The following SLIT2 variants were observed in gnomAD, a reference collection of about 807,000 sequenced individuals.
The protein encoded by SLIT2 is slit homolog 2 protein.
Under a neutral mutation model 185.7 loss-of-function variants are expected in SLIT2, and 41 were observed. That is an observed-to-expected ratio of 0.22 (90% CI 0.17 to 0.29). SLIT2 has a LOEUF of 0.29. SLIT2 is among the 10% of genes least tolerant of loss of function. SLIT2 has a pLI of 1.00. For synonymous variants in SLIT2, 693 were observed against 680.2 expected (o/e 1.02, Z -0.29); for missense variants, 1,571 against 1,909.0 (o/e 0.82, Z 3.30).
intron 34 of SLIT2, among the ~76,000 whole-genome samples, chr4:20,612,309 G>A (rs1257699384): frequency 6.8e-5 from 9 of 131,642 alleles, no homozygotes; most frequent in South Asian, 2.4e-4. Flanking sequence ...CCCGCCCCCC[G>A]CCAAAAAAAA....
At chr4:20,288,168 G>T (rs576786791) in intron 4 of SLIT2, among the ~76,000 whole-genome samples, 1 of 152,264 alleles carries the variant, frequency 6.6e-6, no homozygotes, top group African/African-American at 2.4e-5. Context: ...TAATTTATCT[G>T]GGAATTTAAA....
chr4:20,438,532 T>C (rs1356803600), intron 4 of SLIT2, among the ~76,000 whole-genome samples: 2 of 152,120 alleles, frequency 1.3e-5, no homozygotes, highest in Non-Finnish European at 2.9e-5. Flanking sequence ...TTCCCTCCCA[T>C]AACACATGGG....
At chr4:20,617,289 G>A (rs1388379163) in intron 35 of SLIT2, 91 bp downstream of exon 35, 1 of 1,234,618 alleles carries the variant, frequency 8.1e-7, no homozygotes. Context: ...GGAGGGGACG[G>A]GAAGGGAGGG....
rs1711601122 is a variant in SLIT2, at chr4:20,254,831, G to T, written c.179+837G>T. 7.0e-6 allele frequency: 3 copies of T among 430,528 alleles called. No individual in the cohort carries two copies. In the Admixed American group the frequency reaches 7.3e-5, roughly 11 times the overall value. The allele number at this position is 430,528 out of a possible 1,614,324, so 26.7% of individuals were successfully genotyped here. A position where few individuals can be genotyped will look rare whatever the true frequency, so the allele number is the denominator to read the frequency against. On this transcript the variant is annotated intron_variant, in intron 1 of 36. Transcript: ENST00000504154. This position sits in a 1 kb window ranked among gnomAD's most constrained non-coding sequence, Gnocchi z 5.1. ...CCCTGCGTCCCCATCCACCTTTCTG[G>T]CAGTTTCTGCGCCCCTTCACGTGGC...
intron 4 of SLIT2, among the ~76,000 whole-genome samples, chr4:20,323,824 C>A (rs1719310047): frequency 6.6e-6 from 1 of 152,108 alleles, no homozygotes; most frequent in African/African-American, 2.4e-5. Context: ...TCTGATTTTT[C>A]CTCTTTAATT....
chr4:20,413,537 G>A (rs1727415665), intron 4 of SLIT2, among the ~76,000 whole-genome samples: 1 of 151,878 alleles, frequency 6.6e-6, no homozygotes, highest in Admixed American at 6.6e-5. Flanking sequence ...TTGAAAGTTG[G>A]CTTTGAAGTC....
At chr4:20,311,398 T>A (rs747576333) in intron 4 of SLIT2, among the ~76,000 whole-genome samples, 80 of 152,248 alleles carry the variant, frequency 5.3e-4, no homozygotes, top group Non-Finnish European at 1.1e-3. Context: ...TGAATTTCTT[T>A]ACATTTTTGT....
At chr4:20,604,514 T>G (rs1728639782) in intron 33 of SLIT2, among the ~76,000 whole-genome samples, 1 of 151,728 alleles carries the variant, frequency 6.6e-6, no homozygotes, top group Non-Finnish European at 1.5e-5. Context: ...TACGCCTAGC[T>G]TTTTTTGTAT....
At chr4:20,455,634 A>G (rs1185060318) in intron 4 of SLIT2, among the ~76,000 whole-genome samples, 1 of 152,170 alleles carries the variant, frequency 6.6e-6, no homozygotes, top group Non-Finnish European at 1.5e-5. Context: ...GATACATGCT[A>G]CAACCTGGGG....
At chr4:20,426,326 A>G (rs1188100496) in intron 4 of SLIT2, among the ~76,000 whole-genome samples, 2 of 152,224 alleles carry the variant, frequency 1.3e-5, no homozygotes, top group Non-Finnish European at 1.5e-5. Flanking sequence ...AATGATGTAT[A>G]CAAAAACAAA....
At chr4:20,557,876 T>G (rs2148900837) in intron 26 of SLIT2, among the ~76,000 whole-genome samples, 1 of 152,164 alleles carries the variant, frequency 6.6e-6, no homozygotes, top group African/African-American at 2.4e-5. Context: ...GATTCCAATC[T>G]GCATAGATGA....
At chr4:20,602,327 G>T (rs892129251) in intron 33 of SLIT2, among the ~76,000 whole-genome samples, 1 of 152,170 alleles carries the variant, frequency 6.6e-6, no homozygotes, top group Admixed American at 6.5e-5. Context: ...TATGTTAAAA[G>T]TTAAAAGACA....
chr4:20,321,926 T>C (rs1429817319), intron 4 of SLIT2, among the ~76,000 whole-genome samples: 1 of 152,166 alleles, frequency 6.6e-6, no homozygotes, highest in African/African-American at 2.4e-5. Flanking sequence ...CATCTGGGAA[T>C]TGTTAGAAAT....
chr4:20,274,425 C>T (rs2058950018), intron 4 of SLIT2, among the ~76,000 whole-genome samples: 1 of 152,176 alleles, frequency 6.6e-6, no homozygotes, highest in Non-Finnish European at 1.5e-5. Flanking sequence ...GCCATTACCA[C>T]TTGTCATGAA....
intron 4 of SLIT2, among the ~76,000 whole-genome samples, chr4:20,371,764 C>T (rs1438926075): frequency 6.6e-6 from 1 of 152,018 alleles, no homozygotes; most frequent in African/African-American, 2.4e-5. Context: ...ATTTTGCCTA[C>T]TGCATGAATA....
intron 29 of SLIT2, 128 bp downstream of exon 29, chr4:20,569,132 TGTA>T (rs1725348433): frequency 2.5e-6 from 2 of 797,922 alleles, no homozygotes; most frequent in African/African-American, 3.4e-5. Flanking sequence ...GAAAATCAGA[TGTA>T]ATGTAAATAA....
chr4:20,298,110 C>G (rs1318208576), intron 4 of SLIT2, among the ~76,000 whole-genome samples: 1 of 145,944 alleles, frequency 6.9e-6, no homozygotes, highest in Non-Finnish European at 1.5e-5. Context: ...CTTTTTGAGA[C>G]AGAATTTCCC....
intron 4 of SLIT2, among the ~76,000 whole-genome samples, chr4:20,374,778 T>A (rs777984623): frequency 3.3e-5 from 5 of 152,082 alleles, no homozygotes; most frequent in Non-Finnish European, 7.4e-5. Flanking sequence ...TGCTACATGT[T>A]GTTATAATAA....
At chr4:20,539,687 T>C (rs1440311175) in intron 19 of SLIT2, 103 bp downstream of exon 19, 3 of 765,312 alleles carry the variant, frequency 3.9e-6, no homozygotes. Flanking sequence ...TGATCAAGGG[T>C]TTTAGGACTT....
Sources: gnomAD v4.1 joint callset for allele counts (sites outside exome capture counted in the v4.1 genomes callset) on GRCh38, gnomAD v4.1.1 for gene constraint, Gnocchi (gnomAD v3.1) non-coding constraint, MANE v1.5 for transcripts, NCBI Gene and HGNC (gene_info 2026-07-23, HGNC 2026-07-21) for gene names.